Variants in LRP6 observed in about 807,000 individuals in gnomAD.
The protein encoded by LRP6 is low-density lipoprotein receptor-related protein 6.
A neutral mutation model predicts 184.1 loss-of-function variants in LRP6; 43 were observed. That is an observed-to-expected ratio of 0.23 (90% CI 0.18 to 0.30). The LOEUF is 0.30. Among genes scored for constraint, LRP6 ranks in the 10% least tolerant of loss-of-function variants. The pLI is 1.00. For missense variants in LRP6, 1,571 were observed against 2,005.3 expected (o/e 0.78, Z 4.14); for synonymous variants, 719 against 684.9 (o/e 1.05, Z -0.78).
chr12:12,180,071 A>C, intron 6 of LRP6, 90 bp from the exon 7 acceptor site: 1 of 1,040,712 alleles, frequency 9.6e-7, no homozygotes, highest in South Asian at 1.3e-5. Flanking sequence ...CTCCTATTAC[A>C]CTGGTATCAT....
rs1437705167 is a variant in LRP6, at chr12:12,118,058, C to T, written c.*3068G>A. 6.6e-6 allele frequency: 1 copy of T among 152,152 alleles called. No homozygotes were observed. Among genetic ancestry groups the T allele is most frequent in the Non-Finnish European group, 1.5e-5 (1 of 68,018 alleles). The allele number at this position is 152,152 out of a possible 1,614,324, so 9.4% of individuals were successfully genotyped here. A position where few individuals can be genotyped will look rare whatever the true frequency, so the allele number is the denominator to read the frequency against. ...TCAGAGATCTCTTGGTAATGTATCA[C>T]AAGCTACTTTTATATTAAAATTAAA... On this transcript the variant is annotated 3_prime_UTR_variant, in exon 23 of 23. Coordinates refer to ENST00000261349, the MANE Select transcript of LRP6 (RefSeq NM_002336.3).
intron 1 of LRP6, among the ~76,000 whole-genome samples, chr12:12,252,286 T>C (rs926753111): frequency 1.3e-5 from 2 of 152,214 alleles, no homozygotes; most frequent in East Asian, 3.8e-4. Context: ...TCAAACCTCC[T>C]AAATGATGCC....
intron 19 of LRP6, 152 bp from the exon 20 acceptor site, chr12:12,127,073 C>T (rs1251294156): frequency 2.0e-5 from 14 of 687,742 alleles, no homozygotes; most frequent in South Asian, 2.0e-4. Context: ...TACATACATA[C>T]CACGCCCTGA....
chr12:12,179,084 A>G (rs1402096627), intron 7 of LRP6, among the ~76,000 whole-genome samples: 1 of 152,164 alleles, frequency 6.6e-6, no homozygotes, highest in African/African-American at 2.4e-5. Flanking sequence ...GCAAAGTCTA[A>G]TTCAAAGTTG....
chr12:12,126,406 C>A (rs922785058), intron 20 of LRP6, among the ~76,000 whole-genome samples: 6 of 152,188 alleles, frequency 3.9e-5, no homozygotes, highest in African/African-American at 1.4e-4. Flanking sequence ...AAATGACTGG[C>A]TGATTCACCT....
chr12:12,247,523 A>T (rs1292711893), intron 1 of LRP6, among the ~76,000 whole-genome samples: 1 of 152,218 alleles, frequency 6.6e-6, no homozygotes, highest in Non-Finnish European at 1.5e-5. Flanking sequence ...TTTTTAAGTT[A>T]GCAATACTGG....
chr12:12,179,743 A>G, intron 7 of LRP6, 67 bp downstream of exon 7: 1 of 1,539,574 alleles, frequency 6.5e-7, no homozygotes, highest in African/African-American at 1.4e-5. Context: ...CTGTACTCAA[A>G]TCATTATACT....
In LRP6 at chr12:12,125,449, T is replaced by C; in HGVS notation, c.4313-17A>G. The stretch of plus-strand genomic sequence containing the variant: ...GAGACATTCCTAAAATAAAAGGAGG[T>C]TAAAAACTGAAGATGAGTATGATAT... On this transcript the variant is annotated splice_polypyrimidine_tract_variant and intron_variant, in intron 20 of 22. Transcript: ENST00000261349. 6.2e-7 allele frequency: 1 copy of C among 1,612,036 alleles called. No homozygotes were observed. Among genetic ancestry groups the C allele is most frequent in the Non-Finnish European group, 8.5e-7 (1 of 1,178,626 alleles).
At chr12:12,232,959 A>T (rs1864831021) in intron 2 of LRP6, among the ~76,000 whole-genome samples, 1 of 152,196 alleles carries the variant, frequency 6.6e-6, no homozygotes, top group Admixed American at 6.5e-5. Flanking sequence ...TAACATCCCA[A>T]CTGCTCAGAA....
intron 7 of LRP6, among the ~76,000 whole-genome samples, chr12:12,173,097 T>C (rs1274387182): frequency 6.6e-6 from 1 of 152,218 alleles, no homozygotes; most frequent in Non-Finnish European, 1.5e-5. Context: ...AAATTGCTAC[T>C]GTGACCAAAG....
chr12:12,185,938 C>T (rs765621206), intron 4 of LRP6, among the ~76,000 whole-genome samples: 1 of 151,432 alleles, frequency 6.6e-6, no homozygotes, highest in African/African-American at 2.4e-5. Context: ...CTCTGCCTCC[C>T]GGGTTCAAGC....
At chr12:12,243,904 C>A (rs1865122759) in intron 2 of LRP6, among the ~76,000 whole-genome samples, 1 of 152,168 alleles carries the variant, frequency 6.6e-6, no homozygotes, top group Admixed American at 6.5e-5. Flanking sequence ...ATGTGCGCCA[C>A]TACGCCCAGC....
intron 1 of LRP6, among the ~76,000 whole-genome samples, chr12:12,250,378 A>C (rs1231703962): frequency 6.6e-6 from 1 of 152,150 alleles, no homozygotes; most frequent in African/African-American, 2.4e-5. Flanking sequence ...CCAGCAAGCA[A>C]GTCCTTCAAG....
At chr12:12,265,593 A>G (rs899430040) in intron 1 of LRP6, among the ~76,000 whole-genome samples, 1 of 152,240 alleles carries the variant, frequency 6.6e-6, no homozygotes, top group African/African-American at 2.4e-5. Flanking sequence ...CACATGCCTG[A>G]AAAGAACTTA....
chr12:12,220,788 C>T (rs1335107889), intron 2 of LRP6, among the ~76,000 whole-genome samples: 1 of 151,982 alleles, frequency 6.6e-6, no homozygotes, highest in Admixed American at 6.6e-5. Context: ...TTAGGAGACA[C>T]AGGGTTTCAC....
chr12:12,179,014 T>C (rs1863265810), intron 7 of LRP6, among the ~76,000 whole-genome samples: 1 of 152,136 alleles, frequency 6.6e-6, no homozygotes, highest in Admixed American at 6.6e-5. Context: ...ATGTGAAGTT[T>C]CCCCCAAAGG....
chr12:12,174,268 C>G (rs535701843), intron 7 of LRP6, among the ~76,000 whole-genome samples: 27 of 152,006 alleles, frequency 1.8e-4, no homozygotes, highest in Admixed American at 1.4e-3. Context: ...CATGCCACCA[C>G]GTTTGGCTAA....
chr12:12,197,905 G>A (rs1042554839), intron 3 of LRP6, among the ~76,000 whole-genome samples: 2 of 152,190 alleles, frequency 1.3e-5, no homozygotes, highest in African/African-American at 4.8e-5. Context: ...TTAGTCAGGT[G>A]TGGTGGTGTG....
At chr12:12,128,404 C>T (rs1949702505) in intron 19 of LRP6, among the ~76,000 whole-genome samples, 1 of 152,206 alleles carries the variant, frequency 6.6e-6, no homozygotes, top group South Asian at 2.1e-4. Context: ...CCTCTTCTTA[C>T]TGTCCTGGGA....
Sources: gnomAD v4.1 joint callset for allele counts (sites outside exome capture counted in the v4.1 genomes callset) on GRCh38, gnomAD v4.1.1 for gene constraint, MANE v1.5 for transcripts, NCBI Gene and HGNC (gene_info 2026-07-23, HGNC 2026-07-21) for gene names.